The following POLD3 variants were observed in gnomAD, a reference collection of about 807,000 sequenced individuals.
POLD3 encodes DNA polymerase delta subunit 3.
Under a neutral mutation model 58.2 loss-of-function variants are expected in POLD3, and 19 were observed. The observed-to-expected ratio is 0.33, with a 90% CI of 0.23 to 0.48. The LOEUF (loss-of-function observed/expected upper bound fraction) is 0.48. Ranked by LOEUF, POLD3 falls within the 20% of genes least tolerant of loss-of-function variation. The pLI, the probability that POLD3 is intolerant of heterozygous loss-of-function variation, is 0.99. For missense variants in POLD3, 504 were observed against 545.5 expected, an observed-to-expected ratio of 0.92 and a Z score of 0.76; for synonymous variants, 172 against 193.5, an observed-to-expected ratio of 0.89 and a Z score of 0.92.
At chr11:74,643,313 A>G (rs1416144454), downstream of POLD3, among the ~76,000 whole-genome samples, 1 of 152,214 alleles carries the variant, frequency 6.6e-6, no homozygotes, top group Admixed American at 6.5e-5. Flanking sequence ...ATATTTTCCT[A>G]CTGAAGGAAT....
chr11:74,599,553 A>G (rs1190296908), intron 2 of POLD3, among the ~76,000 whole-genome samples: 3 of 150,706 alleles, frequency 2.0e-5, no homozygotes, highest in Non-Finnish European at 4.4e-5. Context: ...TAGTAGAGAC[A>G]GGGTTTCACG....
intron 4 of POLD3, among the ~76,000 whole-genome samples, chr11:74,663,956 A>G (rs1414784625): frequency 1.3e-5 from 2 of 152,208 alleles, no homozygotes; most frequent in Non-Finnish European, 2.9e-5. Context: ...ATTAAAATCT[A>G]ATTTTTAAAA....
At chr11:74,647,914 C>T (rs553495428), downstream of POLD3, among the ~76,000 whole-genome samples, 6 of 152,174 alleles carry the variant, frequency 3.9e-5, no homozygotes, top group Non-Finnish European at 7.4e-5. Context: ...GTGCTTACCA[C>T]GGGCTCAAAT....
chr11:74,616,279 C>T (rs1309047961), intron 5 of POLD3, among the ~76,000 whole-genome samples: 1 of 152,172 alleles, frequency 6.6e-6, no homozygotes, highest in African/African-American at 2.4e-5. Flanking sequence ...GTGAATTTAT[C>T]TCCAACAAAT....
intron 4 of POLD3, among the ~76,000 whole-genome samples, chr11:74,658,411 C>A (rs1376361059): frequency 6.6e-6 from 1 of 152,114 alleles, no homozygotes; most frequent in Non-Finnish European, 1.5e-5. Flanking sequence ...GCTCCTGGCC[C>A]CTCCAAATCT....
In POLD3 at chr11:74,641,187, A is replaced by C; in HGVS notation, c.*421A>C. 2.0e-6 allele frequency: 2 copies of C among 986,086 alleles called. No individual in the cohort carries two copies. Among genetic ancestry groups the C allele is most frequent in the African/African-American group, 3.5e-5 (2 of 57,386 alleles). The allele number at this position is 986,086 out of a possible 1,614,324, so 61.1% of individuals were successfully genotyped here. The stretch of plus-strand genomic sequence containing the variant: ...ATTCATGTGGGTGTTTCTTATCCTT[A>C]CATTCTGCTGGATACGTTTACCCCT... On this transcript the variant is annotated 3_prime_UTR_variant, in exon 12 of 12. Coordinates refer to ENST00000263681, the MANE Select transcript of POLD3 (RefSeq NM_006591.3).
Position 74,643,020 on chromosome 11 carries a change from C to A in POLD3, c.*2254C>A. The A allele has an allele frequency of 1.4e-6, 1 of 728,148 alleles. No individual in the cohort carries two copies. Among genetic ancestry groups the A allele is most frequent in the Non-Finnish European group, 1.7e-6 (1 of 595,304 alleles). 45.1% of individuals were successfully genotyped at this position (728,148 alleles called of 1,614,324 possible). A position where few individuals can be genotyped will look rare whatever the true frequency, so the allele number is the denominator to read the frequency against. ...TATGACTGTGGGCAAGTTTCACAGCCTCAAGTTCTTTATCAAAATAAAACT... is the reference window on the plus strand; with the variant it reads ...TATGACTGTGGGCAAGTTTCACAGCATCAAGTTCTTTATCAAAATAAAACT... On this transcript the variant is annotated 3_prime_UTR_variant, in exon 12 of 12. Coordinates refer to ENST00000263681, the MANE Select transcript of POLD3 (RefSeq NM_006591.3).
intron 2 of POLD3, among the ~76,000 whole-genome samples, chr11:74,598,255 T>G (rs966400638): frequency 3.3e-5 from 5 of 152,228 alleles, no homozygotes; most frequent in African/African-American, 1.2e-4. Context: ...GTTGATTTTT[T>G]GTGTATGGTG....
chr11:74,615,181 G>A (rs967535029), intron 5 of POLD3, among the ~76,000 whole-genome samples: 1 of 152,210 alleles, frequency 6.6e-6, no homozygotes, highest in African/African-American at 2.4e-5. Flanking sequence ...CAGTAAAGCT[G>A]ACAGTAGTAC....
rs1245992206 is a variant in POLD3, at chr11:74,636,184, T to C, written c.1120-13T>C. ...ATTGATCCAGCTTAACATTGTATCCTCTGACCTTTTAGAGCTCAAGTGGAG... is the reference window on the plus strand; with the variant it reads ...ATTGATCCAGCTTAACATTGTATCCCCTGACCTTTTAGAGCTCAAGTGGAG... On this transcript the variant is annotated splice_polypyrimidine_tract_variant and intron_variant, in intron 10 of 11. Coordinates refer to ENST00000263681, the MANE Select transcript of POLD3 (RefSeq NM_006591.3). 6.2e-7 allele frequency: 1 copy of C among 1,607,344 alleles called. No homozygotes were observed. The highest frequency in any genetic ancestry group is 8.5e-7 in the Non-Finnish European group (1 of 1,174,130).
At chr11:74,622,802 AACATAGAGTTT>A (rs1312491417) in intron 7 of POLD3, among the ~76,000 whole-genome samples, 1 of 152,202 alleles carries the variant, frequency 6.6e-6, no homozygotes, top group East Asian at 1.9e-4. Flanking sequence ...CTAAAAGTTA[AACATAGAGTTT>A]ACCCAGCAGT....
At chr11:74,652,621 T>G (rs939142985) in intron 4 of POLD3, 5 of 152,222 alleles carry the variant, frequency 3.3e-5, no homozygotes, top group African/African-American at 4.8e-5. Context: ...GAAGGCATTG[T>G]TCACTGTGAA....
chr11:74,653,224 A>T (rs574139651), intron 4 of POLD3, among the ~76,000 whole-genome samples: 33 of 152,318 alleles, frequency 2.2e-4, no homozygotes, highest in Non-Finnish European at 4.4e-5. Flanking sequence ...AATACTTAAC[A>T]TCATAATATT....
intron 4 of POLD3, among the ~76,000 whole-genome samples, chr11:74,649,109 A>G (rs1398495749): frequency 2.6e-5 from 4 of 152,192 alleles, no homozygotes; most frequent in Non-Finnish European, 5.9e-5. Context: ...CATGTAGGCC[A>G]TTCTCTGACG....
chr11:74,639,619 G>A (rs1662232073), intron 11 of POLD3, among the ~76,000 whole-genome samples: 1 of 152,200 alleles, frequency 6.6e-6, no homozygotes, highest in South Asian at 2.1e-4. Context: ...GCTGTTTCTT[G>A]TGGTTGGTAT....
chr11:74,633,591 C>T (rs1392361348), intron 9 of POLD3, among the ~76,000 whole-genome samples: 2 of 152,158 alleles, frequency 1.3e-5, no homozygotes, highest in African/African-American at 4.8e-5. Flanking sequence ...AGTCGCTACC[C>T]GGTCCCCTGA....
chr11:74,640,724 C>T lies in POLD3; in HGVS notation c.1359C>T (p.Ala453=). The T allele has an allele frequency of 6.2e-7, 1 of 1,609,210 alleles. No individual in the cohort carries two copies. Among genetic ancestry groups the T allele is most frequent in the Non-Finnish European group, 8.5e-7 (1 of 1,178,300 alleles). Residue 453 remains alanine (A), a synonymous_variant, in exon 12 of 12, where the codon GCC becomes GCT. Coordinates refer to ENST00000263681, the MANE Select transcript of POLD3 (RefSeq NM_006591.3). ...PKKGTAALGK[A]NRQVSITGFF... ...AAGGGACTGCTGCTCTGGGCAAAGCCAACAGACAGGTGTCCATTACTGGCT... is the reference window on the plus strand; with the variant it reads ...AAGGGACTGCTGCTCTGGGCAAAGCTAACAGACAGGTGTCCATTACTGGCT...
intron 8 of POLD3, among the ~76,000 whole-genome samples, chr11:74,628,453 A>G (rs138704599): frequency 5.9e-5 from 9 of 152,184 alleles, no homozygotes; most frequent in Admixed American, 2.0e-4. Flanking sequence ...GACATAAGGT[A>G]CTTGATGGCA....
chr11:74,635,533 T>G lies in POLD3; in HGVS notation c.1120-664T>G, dbSNP rs186160350. Reference sequence around the variant, plus strand: ...AGACTTTGTCTCTACTTTAAAAATATCTGGGCATGGTGGCACATGCCTTTT... The same window carrying G: ...AGACTTTGTCTCTACTTTAAAAATAGCTGGGCATGGTGGCACATGCCTTTT... On this transcript the variant is annotated intron_variant, in intron 10 of 11. Transcript: ENST00000263681. Among the ~76,000 whole-genome samples the G allele has an allele frequency of 6.6e-5, 10 of 152,206 alleles. No individual in the cohort carries two copies. The East Asian group carries it at 1.9e-3, about 29-fold the overall frequency.
Sources: allele counts gnomAD v4.1 joint callset (sites outside exome capture counted in the v4.1 genomes callset), GRCh38; gene constraint gnomAD v4.1.1; transcripts MANE v1.5; gene names NCBI Gene and HGNC (gene_info 2026-07-23, HGNC 2026-07-21).